CEP128: variants seen among roughly 807,000 people sequenced by gnomAD.
CEP128 encodes centrosomal protein 128kDa.
CEP128 carries 132 observed loss-of-function variants against 156.7 expected under a neutral mutation model. That is an observed-to-expected ratio of 0.84 (90% CI 0.73 to 0.97). CEP128 has a LOEUF of 0.97. Ranked by LOEUF, CEP128 falls within the 50% of genes least tolerant of loss-of-function variation. The pLI, the probability that CEP128 is intolerant of heterozygous loss-of-function variation, is 0.00. For missense variants in CEP128, 1,252 were observed against 1,281.9 expected (o/e 0.98, Z 0.36); for synonymous variants, 469 against 448.9 (o/e 1.04, Z -0.57).
intron 19 of CEP128, among the ~76,000 whole-genome samples, chr14:80,621,263 C>T (rs1373274514): frequency 6.6e-6 from 1 of 152,106 alleles, no homozygotes; most frequent in Non-Finnish European, 1.5e-5. Flanking sequence ...ACCATGAATT[C>T]ATTTTCCAAA....
In CEP128 at chr14:80,831,233, G is replaced by A. The variant is rs1313196698; in HGVS notation, c.1119C>T (p.Asn373=). The A allele has an allele frequency of 7.4e-6, 12 of 1,613,948 alleles. No individual in the cohort carries two copies. The highest frequency in any genetic ancestry group is 9.3e-6 in the Non-Finnish European group (11 of 1,179,876). The stretch of plus-strand genomic sequence containing the variant: ...CTAACTCAGATGCCATTGCGCTGAA[G>A]TTCAGCTGCACTCTCAAATCTGACA... ...KQMSDLRVQL[N]FSAMASELEE... The change falls in exon 13 of 25, where the codon AAC becomes AAT. Residue 373 remains asparagine (N), a synonymous_variant. Coordinates refer to ENST00000555265, the MANE Select transcript of CEP128 (RefSeq NM_152446.5).
intron 9 of CEP128, 79 bp from the exon 10 acceptor site, chr14:80,840,847 T>C (rs1411336331): frequency 8.1e-6 from 7 of 863,670 alleles, no homozygotes; most frequent in Non-Finnish European, 1.3e-5. Context: ...TATTATGTAT[T>C]AGGGCTGAAG....
At chr14:80,716,730 G>C (rs981017076) in intron 19 of CEP128, among the ~76,000 whole-genome samples, 1 of 152,122 alleles carries the variant, frequency 6.6e-6, no homozygotes, top group Non-Finnish European at 1.5e-5. Flanking sequence ...GTTTTTGCTT[G>C]ACAAATGTTT....
chr14:80,592,973 T>G lies in CEP128; in HGVS notation c.2807-12550A>C, dbSNP rs188600685. The stretch of plus-strand genomic sequence containing the variant: ...AGTGCTTCATGCTAAAAACTCTCAA[T>G]AAACTAGGTATTGAGGGAACATATC... On this transcript the variant is annotated intron_variant, in intron 19 of 24. Transcript: ENST00000555265. 3.0e-3 allele frequency among the ~76,000 whole-genome samples: 463 copies of G among 152,280 alleles called. 1 individual carries two copies. Among genetic ancestry groups the G allele is most frequent in the Admixed American group, 4.5e-3 (69 of 15,296 alleles).
chr14:80,636,545 T>C (rs1894187261), intron 19 of CEP128, among the ~76,000 whole-genome samples: 1 of 152,192 alleles, frequency 6.6e-6, no homozygotes, highest in African/African-American at 2.4e-5. Context: ...GTTTTCTCTC[T>C]GCCAGCAATG....
chr14:80,580,608 G>A (rs898779848), intron 19 of CEP128, among the ~76,000 whole-genome samples, 185 bp from the exon 20 acceptor site: 10 of 152,104 alleles, frequency 6.6e-5, no homozygotes, highest in South Asian at 4.2e-4. Context: ...GGCAGAGCGC[G>A]GGAGCCTGCC....
At chr14:80,777,006 G>A (rs544844352) in intron 16 of CEP128, among the ~76,000 whole-genome samples, 3 of 152,186 alleles carry the variant, frequency 2.0e-5, no homozygotes, top group South Asian at 4.2e-4. Flanking sequence ...AGCCTGGTGG[G>A]GATGTACCAA....
intron 13 of CEP128, among the ~76,000 whole-genome samples, chr14:80,806,625 T>C (rs1165382522): frequency 3.3e-5 from 5 of 152,192 alleles, no homozygotes; most frequent in South Asian, 2.1e-4. Context: ...ATAAAACTCT[T>C]CTGCTTAAAG....
chr14:80,622,129 G>A (rs146789221), intron 19 of CEP128, among the ~76,000 whole-genome samples: 26 of 152,320 alleles, frequency 1.7e-4, no homozygotes, highest in African/African-American at 6.3e-4. Context: ...ACAGATGTGG[G>A]ATAGGCTTTC....
chr14:80,582,937 A>C (rs1891652396), intron 19 of CEP128, among the ~76,000 whole-genome samples: 1 of 152,178 alleles, frequency 6.6e-6, no homozygotes, highest in Non-Finnish European at 1.5e-5. Flanking sequence ...CATCAACCAC[A>C]AAAGAAAACT....
chr14:80,829,470 G>A (rs1885665364), intron 13 of CEP128, among the ~76,000 whole-genome samples: 1 of 152,156 alleles, frequency 6.6e-6, no homozygotes, highest in Admixed American at 6.5e-5. Flanking sequence ...GAGTGCAGTG[G>A]CACAATCACA....
At chr14:80,738,314 T>C (rs1898637689) in intron 19 of CEP128, among the ~76,000 whole-genome samples, 1 of 152,182 alleles carries the variant, frequency 6.6e-6, no homozygotes, top group South Asian at 2.1e-4. Context: ...TTAACAGCAA[T>C]TGACCACCAA....
chr14:80,579,159 A>G (rs1259089277), intron 20 of CEP128, among the ~76,000 whole-genome samples: 2 of 152,198 alleles, frequency 1.3e-5, no homozygotes, highest in Admixed American at 1.3e-4. Context: ...CTGGGTAAAC[A>G]CAACACACAA....
chr14:80,884,586 G>A (rs1888708397), intron 8 of CEP128, among the ~76,000 whole-genome samples: 1 of 152,192 alleles, frequency 6.6e-6, no homozygotes, highest in Non-Finnish European at 1.5e-5. Flanking sequence ...GCCAAGGGAA[G>A]CCGTGAGGGA....
intron 19 of CEP128, among the ~76,000 whole-genome samples, chr14:80,606,041 G>A (rs1048519080): frequency 1.3e-5 from 2 of 150,394 alleles, no homozygotes; most frequent in Non-Finnish European, 3.0e-5. Context: ...GTTTTCTTTG[G>A]TGTTATGTTC....
chr14:80,766,142 C>T (rs1163409014), intron 16 of CEP128, among the ~76,000 whole-genome samples: 1 of 152,132 alleles, frequency 6.6e-6, no homozygotes, highest in Non-Finnish European at 1.5e-5. Context: ...TGAAGAAGTA[C>T]CTGTGTACAC....
intron 19 of CEP128, among the ~76,000 whole-genome samples, chr14:80,653,460 A>C (rs904770374): frequency 6.6e-6 from 1 of 152,206 alleles, no homozygotes; most frequent in African/African-American, 2.4e-5. Flanking sequence ...CAAGTTATCC[A>C]GAAGATCTAG....
In CEP128 at chr14:80,673,675, A is replaced by G. The variant is rs1031651808; in HGVS notation, c.2806+69400T>C. Among the ~76,000 whole-genome samples the G allele has an allele frequency of 5.0e-5, 7 of 140,526 alleles. No individual in the cohort carries two copies. The East Asian group carries it at 1.1e-3, about 23-fold the overall frequency. The allele number at this position is 140,526 out of a possible 152,430, so 92.2% of individuals were successfully genotyped here. Reference sequence around the variant, plus strand: ...AAAAAAAAAAAAAAAAAAAAAATGTACTAAAGCAAAGGGATCTCACATTCG... The same window carrying G: ...AAAAAAAAAAAAAAAAAAAAAATGTGCTAAAGCAAAGGGATCTCACATTCG... On this transcript the variant is annotated intron_variant, in intron 19 of 24. Transcript: ENST00000555265.
intron 19 of CEP128, among the ~76,000 whole-genome samples, chr14:80,642,101 A>AAAAAAAAAAAAT (rs1894437969): frequency 2.0e-5 from 3 of 150,542 alleles, no homozygotes; most frequent in Non-Finnish European, 4.4e-5. Flanking sequence ...AAAAAAAAAA[A>AAAAAAAAAAAAT]GAAGAGAGAG....
Sources: gnomAD v4.1 joint callset for allele counts (sites outside exome capture counted in the v4.1 genomes callset) on GRCh38, gnomAD v4.1.1 for gene constraint, MANE v1.5 for transcripts, NCBI Gene and HGNC (gene_info 2026-07-23, HGNC 2026-07-21) for gene names.